Variants in CHRM3 observed in about 807,000 individuals in gnomAD.
CHRM3 encodes the protein cholinergic receptor muscarinic 3.
Under a neutral mutation model 41.8 loss-of-function variants are expected in CHRM3, and 11 were observed. The ratio of observed to expected loss-of-function variants is 0.26; its 90% CI spans 0.17 to 0.44. The LOEUF (loss-of-function observed/expected upper bound fraction) is 0.44. Ranked by LOEUF, CHRM3 falls within the 20% of genes least tolerant of loss-of-function variation. The pLI is 1.00. For missense variants in CHRM3, 571 were observed against 745.4 expected (o/e 0.77, Z 2.72); for synonymous variants, 297 against 301.4 (o/e 0.99, Z 0.15).
At chr1:239,403,331 A>G (rs1361834613) in intron 1 of CHRM3, among the ~76,000 whole-genome samples, 3 of 152,200 alleles carry the variant, frequency 2.0e-5, no homozygotes, top group African/African-American at 7.2e-5. Context: ...TTCATTAAGT[A>G]TTTGTTGTTG....
intron 1 of CHRM3, among the ~76,000 whole-genome samples, chr1:239,416,849 A>T (rs1661539997): frequency 3.3e-5 from 5 of 152,228 alleles, no homozygotes; most frequent in Non-Finnish European, 1.5e-5. Flanking sequence ...AGGAAGATAA[A>T]CTACCAAGGT....
At chr1:239,492,553 T>C (rs900088246) in intron 1 of CHRM3, among the ~76,000 whole-genome samples, 156 bp from the exon 2 acceptor site, 1 of 152,164 alleles carries the variant, frequency 6.6e-6, no homozygotes, top group African/African-American at 2.4e-5. Flanking sequence ...TATTCCTGAT[T>C]TCCTGGGAGA....
intron 3 of CHRM3, among the ~76,000 whole-genome samples, chr1:239,564,510 A>G (rs1572724104): frequency 6.6e-6 from 1 of 152,186 alleles, no homozygotes; most frequent in Non-Finnish European, 1.5e-5. Context: ...ATTAAGTATC[A>G]CAAAGAAAAA....
chr1:239,423,694 T>A (rs1662132655), intron 1 of CHRM3, among the ~76,000 whole-genome samples: 1 of 152,008 alleles, frequency 6.6e-6, no homozygotes, highest in Admixed American at 6.5e-5. Context: ...TGGTACAGAG[T>A]AGAAGCCCAG....
intron 5 of CHRM3, among the ~76,000 whole-genome samples, chr1:239,735,789 T>A (rs903480554): frequency 1.3e-5 from 2 of 152,148 alleles, no homozygotes; most frequent in African/African-American, 4.8e-5. Flanking sequence ...AAATTTACAT[T>A]ATTATACAAT....
chr1:239,819,090 C>T (rs1072319), intron 5 of CHRM3, among the ~76,000 whole-genome samples: 29,691 of 152,130 alleles, frequency 0.2, 2,921 homozygotes, highest in South Asian at 0.22. Context: ...GCCAGTTATC[C>T]TCTCAACTTT....
intron 1 of CHRM3, among the ~76,000 whole-genome samples, chr1:239,413,845 T>C (rs1370250724): frequency 1.3e-5 from 2 of 152,214 alleles, no homozygotes; most frequent in African/African-American, 2.4e-5. Context: ...GTGCACGTTT[T>C]TTTAAACAAA....
At chr1:239,886,271 C>G (rs979861573) in intron 6 of CHRM3, 1 of 152,172 alleles carries the variant, frequency 6.6e-6, no homozygotes, top group Admixed American at 6.5e-5. Context: ...AACCTTGAGT[C>G]ATGGATGACC....
At chr1:239,873,112 G>C (rs1676731589) in intron 6 of CHRM3, among the ~76,000 whole-genome samples, 1 of 152,144 alleles carries the variant, frequency 6.6e-6, no homozygotes, top group Non-Finnish European at 1.5e-5. Context: ...TTGGGATGTA[G>C]TGTGTCTATC....
intron 6 of CHRM3, among the ~76,000 whole-genome samples, chr1:239,876,259 C>T (rs1677100874): frequency 6.6e-6 from 1 of 152,204 alleles, no homozygotes; most frequent in Non-Finnish European, 1.5e-5. Context: ...ATAGTCCACT[C>T]CCTTCATATT....
intron 3 of CHRM3, among the ~76,000 whole-genome samples, chr1:239,548,919 A>G (rs1659542852): frequency 1.3e-5 from 2 of 152,248 alleles, no homozygotes; most frequent in Non-Finnish European, 2.9e-5. Context: ...CATGCTGCTG[A>G]TAAAGACATA....
chr1:239,835,307 C>T (rs1262014605), intron 6 of CHRM3, among the ~76,000 whole-genome samples: 1 of 152,130 alleles, frequency 6.6e-6, no homozygotes, highest in East Asian at 1.9e-4. Flanking sequence ...TCCTTTCTTT[C>T]CCCTTTTCTT....
At chr1:239,399,913 A>G (rs1019212077) in intron 1 of CHRM3, among the ~76,000 whole-genome samples, 1 of 151,580 alleles carries the variant, frequency 6.6e-6, no homozygotes, top group Non-Finnish European at 1.5e-5. Context: ...ATTTATTTTT[A>G]TTTTATTTTA....
intron 6 of CHRM3, among the ~76,000 whole-genome samples, chr1:239,904,638 G>A (rs2103031895): frequency 6.6e-6 from 1 of 152,246 alleles, no homozygotes; most frequent in South Asian, 2.1e-4. Flanking sequence ...CTCAGTGAGG[G>A]AGAATGAGAG....
intron 4 of CHRM3, among the ~76,000 whole-genome samples, chr1:239,643,862 G>A (rs762798030): frequency 5.3e-5 from 8 of 152,154 alleles, no homozygotes; most frequent in Admixed American, 1.3e-4. Flanking sequence ...CTTCTGCGTC[G>A]CTCACACTGG....
At chr1:239,576,592 ACG>A (rs1553331586) in intron 3 of CHRM3, among the ~76,000 whole-genome samples, 1,073 of 81,206 alleles carry the variant, frequency 0.013, 10 homozygotes, top group African/African-American at 0.031. Context: ...ACACACACAC[ACG>A]CACACACACA....
At chr1:239,580,213 C>G (rs1309239029) in intron 3 of CHRM3, among the ~76,000 whole-genome samples, 1 of 150,900 alleles carries the variant, frequency 6.6e-6, no homozygotes, top group Non-Finnish European at 1.5e-5. Context: ...CATATTTTCC[C>G]AAGTCTTTTG....
intron 3 of CHRM3, among the ~76,000 whole-genome samples, chr1:239,570,968 G>A (rs1225123668): frequency 6.6e-6 from 1 of 152,116 alleles, no homozygotes; most frequent in African/African-American, 2.4e-5. Context: ...TGGGGAAATG[G>A]GAAGAGGAAC....
chr1:239,618,767 C>G (rs1215719040), intron 3 of CHRM3, among the ~76,000 whole-genome samples: 1 of 148,340 alleles, frequency 6.7e-6, no homozygotes, highest in Admixed American at 6.7e-5. Context: ...TGGCGTGAAC[C>G]CGGGAGGCGG....
Sources: gnomAD v4.1 joint callset for allele counts (sites outside exome capture counted in the v4.1 genomes callset) on GRCh38, gnomAD v4.1.1 for gene constraint, MANE v1.5 for transcripts, NCBI Gene and HGNC (gene_info 2026-07-23, HGNC 2026-07-21) for gene names.